COL13A1: variants seen among roughly 807,000 people sequenced by gnomAD.
COL13A1 encodes the protein collagen alpha-1(XIII) chain.
Under a neutral mutation model 130.9 loss-of-function variants are expected in COL13A1, and 89 were observed. The ratio of observed to expected loss-of-function variants is 0.68; its 90% CI spans 0.57 to 0.81. The LOEUF is 0.81. Among genes scored for constraint, COL13A1 ranks in the 30% least tolerant of loss-of-function variants. COL13A1 has a pLI of 0.00. For synonymous variants in COL13A1, 402 were observed against 341.6 expected (o/e 1.18, Z -1.95); for missense variants, 879 against 934.6 (o/e 0.94, Z 0.78).
intron 17 of COL13A1, among the ~76,000 whole-genome samples, chr10:69,915,528 C>T (rs1255141247): frequency 1.3e-5 from 2 of 152,198 alleles, no homozygotes; most frequent in Non-Finnish European, 2.9e-5. Flanking sequence ...TTTGTGTGTG[C>T]CGATTACAAA....
intron 7 of COL13A1, among the ~76,000 whole-genome samples, chr10:69,882,170 G>T (rs570765142): frequency 2.0e-5 from 3 of 152,188 alleles, no homozygotes; most frequent in Non-Finnish European, 4.4e-5. Context: ...GACTGAGCCC[G>T]GTGTGTTAGG....
chr10:69,949,985 T>C (rs1434310589), intron 38 of COL13A1, among the ~76,000 whole-genome samples: 6 of 151,372 alleles, frequency 4.0e-5, no homozygotes, highest in South Asian at 2.1e-4. Flanking sequence ...TGTGTGTGCA[T>C]GTGTTTGTGT....
In COL13A1 at chr10:69,949,930, T is replaced by TTGTGTGTGTGTGTG. The variant is rs375171960; in HGVS notation, c.2058+2593_2058+2606dup. ...GGGGGGGTGGGGGGTGCACGCATGTTTGTGTGTGTGTGTGTGTGCGTGTGT... is the reference window on the plus strand; with the variant it reads ...GGGGGGGTGGGGGGTGCACGCATGTTTGTGTGTGTGTGTGTGTGTGTGTGTGTGTGTGCGTGTGT... On this transcript the variant is annotated intron_variant, in intron 38 of 40. Coordinates refer to ENST00000645393, the MANE Select transcript of COL13A1 (RefSeq NM_001368882.1). 1.0e-4 allele frequency among the ~76,000 whole-genome samples: 9 copies of TTGTGTGTGTGTGTG among 86,908 alleles called. No individual in the cohort carries two copies. The East Asian group carries it at 1.1e-3, about 11-fold the overall frequency. 57.0% of individuals were successfully genotyped at this position (86,908 alleles called of 152,430 possible). A position where few individuals can be genotyped will look rare whatever the true frequency, so the allele number is the denominator to read the frequency against.
At chr10:69,886,665 T>C (rs1314007742) in intron 7 of COL13A1, among the ~76,000 whole-genome samples, 1 of 152,160 alleles carries the variant, frequency 6.6e-6, no homozygotes, top group African/African-American at 2.4e-5. Context: ...TCACGTTTCT[T>C]AGCTCTCCAT....
chr10:69,871,564 C>T (rs1485022493), intron 3 of COL13A1, among the ~76,000 whole-genome samples: 9 of 152,192 alleles, frequency 5.9e-5, no homozygotes, highest in Admixed American at 5.2e-4. Context: ...GGTTGACTTA[C>T]TCCTGGTGCT....
chr10:69,909,411 G>T (rs374890636), intron 17 of COL13A1, among the ~76,000 whole-genome samples: 5 of 152,328 alleles, frequency 3.3e-5, no homozygotes, highest in South Asian at 2.1e-4. Context: ...TCACTGGAAG[G>T]TTCCCATTGC....
chr10:69,884,571 C>T (rs1589285919), intron 7 of COL13A1, among the ~76,000 whole-genome samples: 1 of 152,192 alleles, frequency 6.6e-6, no homozygotes, highest in East Asian at 1.9e-4. Context: ...GGTCTGCTTT[C>T]AGAAGTGGGG....
At chr10:69,892,792 C>T (rs546287114) in intron 10 of COL13A1, among the ~76,000 whole-genome samples, 2 of 152,344 alleles carry the variant, frequency 1.3e-5, no homozygotes, top group South Asian at 4.1e-4. Flanking sequence ...TTTATTTGCA[C>T]TCTGCTTGCT....
At chr10:69,872,308 G>A (rs2059154142) in intron 4 of COL13A1, 98 bp downstream of exon 4, 10 of 1,374,350 alleles carry the variant, frequency 7.3e-6, no homozygotes, top group Admixed American at 1.9e-5. Context: ...TTCTCCAGGT[G>A]TATCTGGGTG....
chr10:69,952,675 C>G (rs1240213754), intron 38 of COL13A1, among the ~76,000 whole-genome samples: 1 of 152,204 alleles, frequency 6.6e-6, no homozygotes, highest in Admixed American at 6.5e-5. Context: ...CCCTCCCCCT[C>G]CCACCCACCT....
intron 3 of COL13A1, among the ~76,000 whole-genome samples, chr10:69,870,458 G>A (rs760288443): frequency 1.3e-5 from 2 of 148,970 alleles, no homozygotes; most frequent in Non-Finnish European, 3.0e-5. Context: ...GACTACAGGC[G>A]TATGCCCCCA....
chr10:69,950,365 G>A (rs1231651940), intron 38 of COL13A1, among the ~76,000 whole-genome samples: 3 of 152,154 alleles, frequency 2.0e-5, no homozygotes, highest in African/African-American at 7.2e-5. Context: ...AAAGGACACC[G>A]GATTTGGGGC....
At chr10:69,811,545 T>G (rs141248741) in intron 1 of COL13A1, among the ~76,000 whole-genome samples, 1 of 152,044 alleles carries the variant, frequency 6.6e-6, no homozygotes, top group African/African-American at 2.4e-5. Context: ...TTTCCTGGAG[T>G]TGGGGGAAGC....
chr10:69,923,246 C>T (rs925613948), intron 23 of COL13A1, among the ~76,000 whole-genome samples: 2 of 152,212 alleles, frequency 1.3e-5, no homozygotes, highest in Non-Finnish European at 2.9e-5. Flanking sequence ...CAGCTGGCCC[C>T]ACCTGGTACC....
intron 13 of COL13A1, among the ~76,000 whole-genome samples, chr10:69,897,026 G>T (rs777699814): frequency 1.4e-4 from 22 of 152,202 alleles, no homozygotes; most frequent in Admixed American, 1.1e-3. Context: ...AAGTGCTTGG[G>T]GTGGGGTGGG....
intron 9 of COL13A1, 87 bp downstream of exon 9, chr10:69,888,417 T>G: frequency 6.5e-7 from 1 of 1,536,436 alleles, no homozygotes; most frequent in Non-Finnish European, 8.8e-7. Flanking sequence ...CCTTGGAAAA[T>G]GCTTTACTTA....
At chr10:69,815,884 A>C (rs1242234623) in intron 1 of COL13A1, among the ~76,000 whole-genome samples, 1 of 84,426 alleles carries the variant, frequency 1.2e-5, no homozygotes, top group Non-Finnish European at 2.7e-5. Context: ...TAAGAAAAAT[A>C]AGCAAAAAAA....
chr10:69,802,514 G>A lies in COL13A1; in HGVS notation c.91G>A (p.Ala31Thr), dbSNP rs1173211637. ...GAPGTVALVA[A>T]RAERGARLPS... The stretch of plus-strand genomic sequence containing the variant: ...GCCCGGGACGGTGGCTCTGGTGGCG[G>A]CGCGGGCGGAGCGCGGCGCACGGCT... Residue 31 changes from alanine (A) to threonine (T), a missense_variant, in exon 1 of 41, where the codon GCG becomes ACG. Transcript: ENST00000645393. 1.3e-6 allele frequency: 2 copies of A among 1,557,616 alleles called. No homozygotes were observed. Among genetic ancestry groups the A allele is most frequent in the Non-Finnish European group, 8.7e-7 (1 of 1,154,974 alleles).
intron 5 of COL13A1, among the ~76,000 whole-genome samples, chr10:69,876,816 C>A (rs1242189448): frequency 6.6e-6 from 1 of 152,226 alleles, no homozygotes; most frequent in African/African-American, 2.4e-5. Context: ...CCCAAGCCAA[C>A]TGTGGGACCC....
Sources: gnomAD v4.1 joint callset for allele counts (sites outside exome capture counted in the v4.1 genomes callset) on GRCh38, gnomAD v4.1.1 for gene constraint, MANE v1.5 for transcripts, NCBI Gene and HGNC (gene_info 2026-07-23, HGNC 2026-07-21) for gene names.